Variants in FMN1 observed in about 807,000 individuals in gnomAD.
The protein encoded by FMN1 is formin 1.
FMN1 carries 110 observed loss-of-function variants against 132.4 expected under a neutral mutation model. That is an observed-to-expected ratio of 0.83 (90% CI 0.71 to 0.97). The LOEUF is 0.97. FMN1 is among the 50% of genes least tolerant of loss of function. FMN1 has a pLI of 0.00. For missense variants in FMN1, 1,792 were observed against 1,705.3 expected, an observed-to-expected ratio of 1.05 and a Z score of -0.90; for synonymous variants, 722 against 651.7, an observed-to-expected ratio of 1.11 and a Z score of -1.64.
chr15:32,879,299 T>C (rs1228623627), intron 16 of FMN1, among the ~76,000 whole-genome samples: 1 of 152,244 alleles, frequency 6.6e-6, no homozygotes, highest in East Asian at 1.9e-4. Context: ...CATGGCAACA[T>C]GGTCAGGACT....
At chr15:32,868,181 C>T (rs765374390) in intron 16 of FMN1, among the ~76,000 whole-genome samples, 4 of 152,040 alleles carry the variant, frequency 2.6e-5, no homozygotes, top group East Asian at 1.9e-4. Flanking sequence ...TCTGATAGTC[C>T]GGTGATGATG....
intron 17 of FMN1, among the ~76,000 whole-genome samples, chr15:32,820,997 T>C (rs2058198784): frequency 6.6e-6 from 1 of 152,132 alleles, no homozygotes; most frequent in East Asian, 1.9e-4. Flanking sequence ...TAATACTGTC[T>C]ATATTTTTGG....
intron 4 of FMN1, among the ~76,000 whole-genome samples, chr15:33,147,561 TC>T (rs1182713902): frequency 7.2e-5 from 11 of 152,182 alleles, no homozygotes; most frequent in Non-Finnish European, 5.9e-5. Context: ...TGAAAAGCAA[TC>T]CAGTGGAAGG....
At chr15:32,980,434 C>T (rs1044503629) in intron 7 of FMN1, among the ~76,000 whole-genome samples, 4 of 152,056 alleles carry the variant, frequency 2.6e-5, no homozygotes, top group Non-Finnish European at 4.4e-5. Flanking sequence ...ACCAGGTTTT[C>T]TAGGGATCCA....
intron 4 of FMN1, among the ~76,000 whole-genome samples, chr15:33,122,133 A>C (rs1489652890): frequency 1.3e-5 from 2 of 152,260 alleles, no homozygotes; most frequent in African/African-American, 2.4e-5. Flanking sequence ...CTACACAGTG[A>C]AACAAATTAT....
At chr15:32,928,705 C>A (rs1299413663) in intron 9 of FMN1, among the ~76,000 whole-genome samples, 1 of 152,164 alleles carries the variant, frequency 6.6e-6, no homozygotes, top group Non-Finnish European at 1.5e-5. Flanking sequence ...ACAACCATGG[C>A]ATACACATCA....
intron 6 of FMN1, among the ~76,000 whole-genome samples, chr15:33,037,572 C>A (rs1392154736): frequency 1.3e-5 from 2 of 152,084 alleles, no homozygotes; most frequent in Admixed American, 6.6e-5. Flanking sequence ...AGGCAGCAAG[C>A]CACAGTGAAA....
chr15:32,962,726 A>G (rs1159133263), intron 9 of FMN1, among the ~76,000 whole-genome samples: 3 of 150,138 alleles, frequency 2.0e-5, no homozygotes, highest in African/African-American at 2.5e-5. Context: ...TATGCAGCCA[A>G]AAAACACATG....
chr15:32,967,763 T>C (rs1008852139), intron 8 of FMN1, among the ~76,000 whole-genome samples: 1 of 152,250 alleles, frequency 6.6e-6, no homozygotes, highest in Non-Finnish European at 1.5e-5. Flanking sequence ...CTGGTTGTTT[T>C]ATCATTGTGA....
intron 12 of FMN1, among the ~76,000 whole-genome samples, chr15:32,906,449 T>C (rs1443210968): frequency 6.6e-6 from 1 of 152,254 alleles, no homozygotes; most frequent in Non-Finnish European, 1.5e-5. Flanking sequence ...TGCCTGTGGT[T>C]GCTTTGGCAC....
At chr15:32,849,497 T>C (rs1469933950) in intron 17 of FMN1, among the ~76,000 whole-genome samples, 1 of 152,156 alleles carries the variant, frequency 6.6e-6, no homozygotes, top group Non-Finnish European at 1.5e-5. Flanking sequence ...AGTATTCCAA[T>C]GTATGGAAAT....
At chr15:33,109,636 T>C (rs1373786822) in intron 4 of FMN1, among the ~76,000 whole-genome samples, 1 of 151,866 alleles carries the variant, frequency 6.6e-6, no homozygotes, top group Non-Finnish European at 1.5e-5. Context: ...AAGAGCTACA[T>C]GGTAAGAACT....
intron 16 of FMN1, among the ~76,000 whole-genome samples, chr15:32,863,875 C>T (rs753933220): frequency 1.3e-5 from 2 of 152,156 alleles, no homozygotes; most frequent in Non-Finnish European, 2.9e-5. Context: ...GCTTAACTTG[C>T]ACAATTTTCT....
intron 4 of FMN1, among the ~76,000 whole-genome samples, chr15:33,129,150 T>G (rs1226393448): frequency 6.6e-6 from 1 of 152,200 alleles, no homozygotes; most frequent in East Asian, 1.9e-4. Context: ...TCTCAATATT[T>G]TAAAGCTCAA....
At chr15:33,074,799 T>C (rs1338845120) in intron 5 of FMN1, among the ~76,000 whole-genome samples, 2 of 151,974 alleles carry the variant, frequency 1.3e-5, no homozygotes. Flanking sequence ...GCGGATCACT[T>C]GAGGCCAAGA....
chr15:32,824,735 A>G (rs561492014), intron 17 of FMN1, among the ~76,000 whole-genome samples: 2 of 152,342 alleles, frequency 1.3e-5, no homozygotes, highest in East Asian at 3.9e-4. Flanking sequence ...CTGGGACTAC[A>G]GGTGTGAGCC....
Position 33,154,374 on chromosome 15 carries a change from C to G in FMN1, c.541G>C (p.Gly181Arg), listed in dbSNP as rs1595575430. ...ALPQKRTKRK[G>R]RGGRESAPLM... ...GGAGCTGATTCTCGGCCTCCACGCC[C>G]TTTTCTTTTGGTCCTCTTCTGTGGA... Residue 181 changes from glycine to arginine, a missense_variant, in exon 4 of 21, where the codon GGG (glycine) becomes CGG (arginine). Coordinates refer to ENST00000616417, the MANE Select transcript of FMN1 (RefSeq NM_001277313.2). 4 of 1,536,170 alleles carry G rather than the reference C, an allele frequency of 2.6e-6. No homozygotes were observed. In the East Asian group the frequency reaches 7.3e-5, roughly 28 times the overall value.
chr15:33,131,641 A>G (rs1027212394), intron 4 of FMN1, among the ~76,000 whole-genome samples: 1 of 152,190 alleles, frequency 6.6e-6, no homozygotes, highest in African/African-American at 2.4e-5. Flanking sequence ...AGTTTCATGC[A>G]GAGAGATAAT....
At chr15:32,821,658 G>A (rs2058222092) in intron 17 of FMN1, among the ~76,000 whole-genome samples, 1 of 151,762 alleles carries the variant, frequency 6.6e-6, no homozygotes, top group African/African-American at 2.4e-5. Context: ...CACCATCTTG[G>A]CCAGGCTGTT....
Sources: allele counts gnomAD v4.1 joint callset (sites outside exome capture counted in the v4.1 genomes callset), GRCh38; gene constraint gnomAD v4.1.1; transcripts MANE v1.5; gene names NCBI Gene and HGNC (gene_info 2026-07-23, HGNC 2026-07-21).